GTPBP10: variants seen among roughly 807,000 people sequenced by gnomAD.
The protein encoded by GTPBP10 is GTP binding protein 10.
A neutral mutation model predicts 44.8 loss-of-function variants in GTPBP10; 38 were observed. The observed-to-expected ratio is 0.85, with a 90% CI of 0.65 to 1.11. The LOEUF (loss-of-function observed/expected upper bound fraction) is 1.11, where lower values mean the gene tolerates loss of function less well. GTPBP10 is among the 50% of genes most tolerant of loss of function. GTPBP10 has a pLI of 0.00. For synonymous variants in GTPBP10, 152 were observed against 150.6 expected (o/e 1.01, Z -0.07); for missense variants, 462 against 453.7 (o/e 1.02, Z -0.17).
At chr7:90,363,112 T>C (rs1270916149) in intron 4 of GTPBP10, among the ~76,000 whole-genome samples, 2 of 152,238 alleles carry the variant, frequency 1.3e-5, no homozygotes, top group Non-Finnish European at 2.9e-5. Flanking sequence ...TGTCTTTTAG[T>C]TGGAGCATTT....
intron 8 of GTPBP10, among the ~76,000 whole-genome samples, chr7:90,380,241 T>A (rs922441566): frequency 1.3e-5 from 2 of 151,810 alleles, no homozygotes; most frequent in Non-Finnish European, 2.9e-5. Context: ...ACCACGCCCA[T>A]CTAATTTTTG....
intron 1 of GTPBP10, among the ~76,000 whole-genome samples, chr7:90,348,098 C>T (rs1265373737): frequency 2.0e-5 from 3 of 151,942 alleles, no homozygotes; most frequent in African/African-American, 7.3e-5. Flanking sequence ...GTAGTCCCAG[C>T]CATTTGGGAG....
At chr7:90,359,147 T>TA (rs1554396701) in intron 4 of GTPBP10, among the ~76,000 whole-genome samples, 1 of 152,046 alleles carries the variant, frequency 6.6e-6, no homozygotes, top group Non-Finnish European at 1.5e-5. Context: ...TTCTTTAACT[T>TA]AAAAAAATTT....
intron 4 of GTPBP10, among the ~76,000 whole-genome samples, chr7:90,359,093 T>G (rs1795961511): frequency 6.6e-6 from 1 of 152,062 alleles, no homozygotes; most frequent in East Asian, 1.9e-4. Flanking sequence ...AAACAATACG[T>G]GCTGACATAG....
chr7:90,364,856 C>T (rs12533787), intron 4 of GTPBP10, among the ~76,000 whole-genome samples: 16,143 of 152,200 alleles, frequency 0.11, 1,060 homozygotes, highest in Non-Finnish European at 0.15. Flanking sequence ...GCCTCACTGC[C>T]GCCTTGCAGT....
rs1796460580 is a variant in GTPBP10, at chr7:90,383,081, T to G, written c.901+2T>G. Reference sequence around the variant, plus strand: ...TGAGCCAGCTCCAGAATCCTAAAGGTAAACCTATTTATTCATTTAATTCTA... The same window carrying G: ...TGAGCCAGCTCCAGAATCCTAAAGGGAAACCTATTTATTCATTTAATTCTA... On this transcript the variant is annotated splice_donor_variant, in intron 9 of 9. Transcript: ENST00000222511. LOFTEE classifies it high-confidence loss of function. 1 of 1,547,148 alleles carries G rather than the reference T, an allele frequency of 6.5e-7. No homozygotes were observed. Among genetic ancestry groups the G allele is most frequent in the African/African-American group, 1.4e-5 (1 of 73,382 alleles).
rs557936667 is a variant in GTPBP10, at chr7:90,389,996, G to T, written c.*4842G>T. 1.3e-5 allele frequency: 2 copies of T among 152,256 alleles called. No homozygotes were observed. The highest frequency in any genetic ancestry group is 2.4e-5 in the African/African-American group (1 of 41,512). The allele number at this position is 152,256 out of a possible 1,614,324, so 9.4% of individuals were successfully genotyped here. The stretch of plus-strand genomic sequence containing the variant: ...TGTAGAGACAGGGTCTTACTATGTT[G>T]CCCAGAGTGGTCTTGAACTCCCATC... On this transcript the variant is annotated 3_prime_UTR_variant, in exon 10 of 10. Coordinates refer to ENST00000222511, the MANE Select transcript of GTPBP10 (RefSeq NM_033107.4).
intron 4 of GTPBP10, among the ~76,000 whole-genome samples, chr7:90,367,159 T>C (rs1247925426): frequency 2.6e-5 from 4 of 152,226 alleles, no homozygotes; most frequent in Non-Finnish European, 5.9e-5. Context: ...AGACAGTTTC[T>C]TGTGTTTTCT....
At chr7:90,372,122 A>G in intron 4 of GTPBP10, 33 bp from the exon 5 acceptor site, 1 of 1,290,458 alleles carries the variant, frequency 7.7e-7, no homozygotes, top group Non-Finnish European at 1.1e-6. Context: ...AATAATATTG[A>G]CATTTGTGTA....
At chr7:90,384,262 GTTCA>G (rs776852635) in intron 9 of GTPBP10, among the ~76,000 whole-genome samples, 2 of 152,116 alleles carry the variant, frequency 1.3e-5, no homozygotes, top group African/African-American at 2.4e-5. Flanking sequence ...AGCCTTTCTA[GTTCA>G]TATCAGTTAA....
intron 8 of GTPBP10, 53 bp from the exon 9 acceptor site, chr7:90,382,903 G>T: frequency 7.7e-7 from 1 of 1,305,030 alleles, no homozygotes; most frequent in African/African-American, 1.5e-5. Flanking sequence ...CAAATAAGTA[G>T]TTTATACAGA....
chr7:90,383,915 C>T (rs1796475948), intron 9 of GTPBP10: 1 of 152,118 alleles, frequency 6.6e-6, no homozygotes, highest in African/African-American at 2.4e-5. Context: ...AAAATCTTTC[C>T]CCTGTGTAAT....
At chr7:90,378,633 C>A (rs1179471502) in intron 8 of GTPBP10, among the ~76,000 whole-genome samples, 1 of 152,176 alleles carries the variant, frequency 6.6e-6, no homozygotes, top group African/African-American at 2.4e-5. Context: ...TTCTATCTTA[C>A]TCACTCCCGT....
intron 3 of GTPBP10, 34 bp from the exon 4 acceptor site, chr7:90,355,052 C>T (rs761716582): frequency 1.4e-6 from 2 of 1,383,316 alleles, no homozygotes; most frequent in Admixed American, 4.3e-5. Flanking sequence ...ACTTATTAAT[C>T]TTTGCTGTAA....
intron 4 of GTPBP10, among the ~76,000 whole-genome samples, chr7:90,360,466 T>C (rs1302810901): frequency 6.6e-6 from 1 of 152,188 alleles, no homozygotes; most frequent in Non-Finnish European, 1.5e-5. Context: ...GTGTTATTAT[T>C]TCTGAGGGCT....
chr7:90,379,171 C>T (rs1458879335), intron 8 of GTPBP10, among the ~76,000 whole-genome samples: 1 of 152,226 alleles, frequency 6.6e-6, no homozygotes, highest in Non-Finnish European at 1.5e-5. Context: ...TCACCACCTA[C>T]ACAAGCCCTG....
chr7:90,374,541 C>T (rs1345361136), intron 6 of GTPBP10, among the ~76,000 whole-genome samples, 187 bp downstream of exon 6: 1 of 152,150 alleles, frequency 6.6e-6, no homozygotes, highest in Non-Finnish European at 1.5e-5. Flanking sequence ...TTAATTTCTT[C>T]TTCCAAAGAT....
intron 1 of GTPBP10, 116 bp downstream of exon 1, chr7:90,346,890 C>T: frequency 8.8e-7 from 1 of 1,134,038 alleles, no homozygotes; most frequent in Non-Finnish European, 1.3e-6. Context: ...TTGGTTTTCC[C>T]ATAGACTTCT....
chr7:90,358,953 G>T (rs1383418611), intron 4 of GTPBP10, among the ~76,000 whole-genome samples: 5 of 152,106 alleles, frequency 3.3e-5, no homozygotes, highest in African/African-American at 9.7e-5. Context: ...TTTCTCAAAA[G>T]AAGATATGCA....
Sources: allele counts gnomAD v4.1 joint callset (sites outside exome capture counted in the v4.1 genomes callset), GRCh38; gene constraint gnomAD v4.1.1; transcripts MANE v1.5; gene names NCBI Gene and HGNC (gene_info 2026-07-23, HGNC 2026-07-21).